CCNB3: variants seen among roughly 807,000 people sequenced by gnomAD.
CCNB3 encodes the protein cyclin B3, also known as G2/mitotic-specific cyclin-B3.
In CCNB3, 12 loss-of-function variants were observed where a neutral mutation model predicts 68.0. That is an observed-to-expected ratio of 0.18 (90% CI 0.11 to 0.29). CCNB3 has a LOEUF of 0.29. Ranked by LOEUF, CCNB3 falls within the 10% of genes least tolerant of loss-of-function variation. CCNB3 has a pLI of 1.00. For synonymous variants in CCNB3, 354 were observed against 388.9 expected, an observed-to-expected ratio of 0.91 and a Z score of 1.06; for missense variants, 904 against 993.1, an observed-to-expected ratio of 0.91 and a Z score of 1.21.
chrX:50,297,906 G>A (rs1171467421), intron 5 of CCNB3, among the ~76,000 whole-genome samples: 1 of 111,551 alleles, frequency 9.0e-6, no homozygotes, highest in Non-Finnish European at 1.9e-5. Context: ...GTGAATGGGA[G>A]TTCACTCATG....
chrX:50,227,213 A>C (rs1374762143), intron 1 of CCNB3, among the ~76,000 whole-genome samples: 1 of 82,014 alleles, frequency 1.2e-5, no homozygotes, highest in Non-Finnish European at 2.2e-5. Flanking sequence ...ATATATAAAT[A>C]TATACAGAAT....
chrX:50,298,084 C>T (rs1384062021), intron 5 of CCNB3, among the ~76,000 whole-genome samples: 8 of 111,609 alleles, frequency 7.2e-5, no homozygotes, highest in African/African-American at 2.3e-4. Flanking sequence ...CAAACAGGGA[C>T]AATTTGACTT....
intron 1 of CCNB3, among the ~76,000 whole-genome samples, chrX:50,210,387 A>C (rs1039752619): frequency 4.5e-5 from 5 of 112,183 alleles, no homozygotes; most frequent in Non-Finnish European, 9.4e-5. Context: ...GAAAAATCAC[A>C]ACTTTTACTC....
chrX:50,332,416 C>T (rs987046064), intron 8 of CCNB3, among the ~76,000 whole-genome samples: 4 of 111,661 alleles, frequency 3.6e-5, no homozygotes, highest in Non-Finnish European at 5.6e-5. Flanking sequence ...TGCCCTACCT[C>T]GGTAACCTGA....
At chrX:50,210,994 GCTCACACCTGTAATTGCAGCA>G (rs1255314997) in intron 1 of CCNB3, among the ~76,000 whole-genome samples, 1 of 111,573 alleles carries the variant, frequency 9.0e-6, no homozygotes, top group Admixed American at 9.6e-5. Context: ...TGGTGCAGTG[GCTCACACCTGTAATTGCAGCA>G]CTTTGGGAGG....
At chrX:50,312,414 C>A in intron 6 of CCNB3, 123 bp from the exon 7 acceptor site, 1 of 573,246 alleles carries the variant, frequency 1.7e-6, no homozygotes, top group Non-Finnish European at 3.0e-6. Flanking sequence ...CCAACATATA[C>A]AAGGCTTGAG....
intron 1 of CCNB3, among the ~76,000 whole-genome samples, chrX:50,205,961 A>G (rs5906912): frequency 0.13 from 13,495 of 104,720 alleles, 899 homozygotes; most frequent in Non-Finnish European, 0.18. Flanking sequence ...AAGAAAAAAA[A>G]ATTAAATAGC....
intron 6 of CCNB3, among the ~76,000 whole-genome samples, chrX:50,311,785 A>G (rs967116537): frequency 9.1e-6 from 1 of 110,477 alleles, no homozygotes; most frequent in Admixed American, 9.7e-5. Context: ...TTTGGGATAC[A>G]TTTCCCAGGT....
intron 5 of CCNB3, among the ~76,000 whole-genome samples, chrX:50,296,021 A>C (rs1936451248): frequency 9.0e-6 from 1 of 111,670 alleles, no homozygotes; most frequent in Non-Finnish European, 1.9e-5. Flanking sequence ...TTCCTGCTGA[A>C]ATGGAATTCT....
chrX:50,341,527 T>A (rs1923142402), intron 8 of CCNB3, among the ~76,000 whole-genome samples: 1 of 97,347 alleles, frequency 1.0e-5, no homozygotes, highest in African/African-American at 3.9e-5. Context: ...ATAAATGAAA[T>A]AGAGACTAAA....
chrX:50,215,303 T>C (rs1223159585), intron 1 of CCNB3, among the ~76,000 whole-genome samples: 2 of 111,733 alleles, frequency 1.8e-5, no homozygotes, highest in Non-Finnish European at 3.8e-5. Flanking sequence ...TGTTCTGTTA[T>C]TCTTGTCACT....
intron 8 of CCNB3, among the ~76,000 whole-genome samples, chrX:50,339,620 G>A (rs898299646): frequency 2.2e-4 from 25 of 111,716 alleles, no homozygotes; most frequent in African/African-American, 7.8e-4. Flanking sequence ...TAAACATAGC[G>A]AGATCCTGTC....
chrX:50,316,313 C>A (rs1005012499), intron 8 of CCNB3, among the ~76,000 whole-genome samples: 40 of 111,797 alleles, frequency 3.6e-4, no homozygotes, highest in African/African-American at 1.3e-3. Context: ...TACCCAGTCT[C>A]AGGTATTTCT....
At chrX:50,341,375 G>A (rs868966544) in intron 8 of CCNB3, among the ~76,000 whole-genome samples, 10 of 84,063 alleles carry the variant, frequency 1.2e-4, no homozygotes, top group South Asian at 5.6e-4. Flanking sequence ...AAATAAATAA[G>A]TAAAAATTTA....
At chrX:50,346,946 A>T in intron 10 of CCNB3, 139 bp downstream of exon 10, 1 of 633,535 alleles carries the variant, frequency 1.6e-6, no homozygotes, top group Non-Finnish European at 2.3e-6. Context: ...CCAATCTCCT[A>T]GGTTAAAGCT....
intron 1 of CCNB3, among the ~76,000 whole-genome samples, chrX:50,223,331 G>A (rs1217919901): frequency 9.0e-6 from 1 of 111,356 alleles, no homozygotes; most frequent in Non-Finnish European, 1.9e-5. Flanking sequence ...ATCCTTTGGA[G>A]GAGAAGAGGC....
chrX:50,313,763 G>A (rs1350962861), intron 7 of CCNB3, 93 bp from the exon 8 acceptor site: 13 of 637,015 alleles, frequency 2.0e-5, no homozygotes, highest in Non-Finnish European at 3.2e-5. Flanking sequence ...AAAACAAGGA[G>A]TTAGAACTAT....
intron 11 of CCNB3, among the ~76,000 whole-genome samples, chrX:50,350,523 G>A (rs1458197201): frequency 1.8e-5 from 2 of 111,609 alleles, no homozygotes; most frequent in African/African-American, 6.5e-5. Flanking sequence ...TAGAGCCAGA[G>A]AGGAGGATCA....
chrX:50,344,276 G>A (rs1452783187), intron 9 of CCNB3, among the ~76,000 whole-genome samples: 1 of 112,148 alleles, frequency 8.9e-6, no homozygotes, highest in East Asian at 2.8e-4. Context: ...TGATGAAAAT[G>A]ATGCATTTCT....
Sources: allele counts gnomAD v4.1 joint callset (sites outside exome capture counted in the v4.1 genomes callset), GRCh38; gene constraint gnomAD v4.1.1; transcripts MANE v1.5; gene names NCBI Gene and HGNC (gene_info 2026-07-23, HGNC 2026-07-21).